The following DYRK1A variants were observed in gnomAD, a reference collection of about 807,000 sequenced individuals.
DYRK1A encodes the protein dual specificity tyrosine phosphorylation regulated kinase 1A, also known as dual specificity tyrosine-phosphorylation-regulated kinase 1A.
In DYRK1A, 9 loss-of-function variants were observed where a neutral mutation model predicts 79.7. The ratio of observed to expected loss-of-function variants is 0.11; its 90% CI spans 0.07 to 0.20. The LOEUF (loss-of-function observed/expected upper bound fraction) is 0.20. Ranked by LOEUF, DYRK1A falls within the 10% of genes least tolerant of loss-of-function variation. The pLI is 1.00. For missense variants in DYRK1A, 622 were observed against 956.0 expected (o/e 0.65, Z 4.61); for synonymous variants, 349 against 329.7 (o/e 1.06, Z -0.63).
At chr21:37,485,883 C>A (rs1335383125) in intron 5 of DYRK1A, among the ~76,000 whole-genome samples, 1 of 152,058 alleles carries the variant, frequency 6.6e-6, no homozygotes, top group South Asian at 2.1e-4. Flanking sequence ...CCAATTATGG[C>A]GTTTGTGGCA....
At chr21:37,385,083 T>C (rs2049733859) in intron 1 of DYRK1A, among the ~76,000 whole-genome samples, 1 of 152,008 alleles carries the variant, frequency 6.6e-6, no homozygotes, top group Non-Finnish European at 1.5e-5. Flanking sequence ...GTTGGCTTCA[T>C]ATATACATCT....
intron 2 of DYRK1A, among the ~76,000 whole-genome samples, chr21:37,435,582 A>C (rs1007249247): frequency 4.6e-5 from 7 of 152,250 alleles, no homozygotes; most frequent in Non-Finnish European, 1.0e-4. Flanking sequence ...AAAGGAAAAT[A>C]CTTTAGCTTT....
At chr21:37,440,130 C>CTTTGTTTTTTTTTTTTTTTT in intron 2 of DYRK1A, among the ~76,000 whole-genome samples, 1 of 37,744 alleles carries the variant, frequency 2.6e-5, no homozygotes, top group Non-Finnish European at 5.2e-5. Flanking sequence ...TTGTTTGCTC[C>CTTTGTTTTTTTTTTTTTTTT]TTTTTTTTTT....
At chr21:37,450,948 C>G (rs1455851004) in intron 2 of DYRK1A, among the ~76,000 whole-genome samples, 1 of 152,132 alleles carries the variant, frequency 6.6e-6, no homozygotes, top group Non-Finnish European at 1.5e-5. Context: ...CAGTATTCCC[C>G]TAAGACTGTA....
chr21:37,469,155 A>G (rs1040010116), intron 2 of DYRK1A, among the ~76,000 whole-genome samples: 2 of 152,212 alleles, frequency 1.3e-5, no homozygotes, highest in African/African-American at 2.4e-5. Context: ...AATTAGACTG[A>G]TGATTGCATG....
intron 1 of DYRK1A, among the ~76,000 whole-genome samples, chr21:37,397,438 C>T (rs2049977327): frequency 6.6e-6 from 1 of 152,090 alleles, no homozygotes; most frequent in Non-Finnish European, 1.5e-5. Context: ...CTGATTATAC[C>T]TTTGTCTCCT....
At position 37,482,475 on chromosome 21, in the gene DYRK1A, G is replaced by A. The variant is rs146888206; in HGVS notation, c.489+1649G>A. On this transcript the variant is annotated intron_variant, in intron 5 of 11. Coordinates refer to ENST00000647188, the MANE Select transcript of DYRK1A (RefSeq NM_001347721.2). ...AAAGGGGAGGGAGTATACGAATAAG[G>A]TGTGGGTCACAGAGATCACATACTT... 3.1e-4 allele frequency among the ~76,000 whole-genome samples: 47 copies of A among 152,274 alleles called. No individual in the cohort carries two copies. In the East Asian group the frequency reaches 8.9e-3, roughly 29 times the overall value.
intron 9 of DYRK1A, among the ~76,000 whole-genome samples, chr21:37,500,681 T>A (rs991812598): frequency 1.3e-5 from 2 of 152,108 alleles, no homozygotes; most frequent in African/African-American, 4.8e-5. Flanking sequence ...TTAAGTTAGT[T>A]TTGGTAAGTT....
Position 37,512,334 on chromosome 21 carries a change from G to A in DYRK1A, c.2068G>A (p.Asp690Asn), listed in dbSNP as rs2053777704. ...TLDFGQNGAMDVNLTVYSNPR... is the reference protein window; with the variant it reads ...TLDFGQNGAMNVNLTVYSNPR... ...GGACTTTGGACAGAATGGAGCTATG[G>A]ACGTTAATTTGACCGTCTACTCCAA... Residue 690 changes from aspartate (D) to asparagine (N), a missense_variant, in exon 12 of 12, where the codon GAC becomes AAC. Around this residue, in one of 5 missense-constraint regions of DYRK1A, gnomAD observed 292 missense variants for 316.7 expected, o/e 0.92. Transcript: ENST00000647188. 1 of 1,614,090 alleles carries A rather than the reference G, an allele frequency of 6.2e-7. No homozygotes were observed. Among genetic ancestry groups the A allele is most frequent in the Non-Finnish European group, 8.5e-7 (1 of 1,180,044 alleles).
At chr21:37,440,957 A>AT (rs2051084373) in intron 2 of DYRK1A, among the ~76,000 whole-genome samples, 1 of 151,968 alleles carries the variant, frequency 6.6e-6, no homozygotes, top group South Asian at 2.1e-4. Flanking sequence ...ATCTTTATTG[A>AT]TTTTCTCTCC....
rs1220374885 is a variant in DYRK1A at position 37,525,410 on chromosome 21, T to A, written c.*12879T>A. ...TAAAACCATCAGATCTCATGAGACT[T>A]ACTCACTATTATGAGAACAGCATGG... On this transcript the variant is annotated 3_prime_UTR_variant, in exon 12 of 12. Coordinates refer to ENST00000647188, the MANE Select transcript of DYRK1A (RefSeq NM_001347721.2). 6.6e-6 allele frequency: 1 copy of A among 152,170 alleles called. No homozygotes were observed. The highest frequency in any genetic ancestry group is 2.4e-5 in the African/African-American group (1 of 41,414). The allele number at this position is 152,170 out of a possible 1,614,324, so 9.4% of individuals were successfully genotyped here.
Position 37,524,080 on chromosome 21 carries a change from AT to A in DYRK1A, c.*11550del, listed in dbSNP as rs2053952881. The A allele has an allele frequency of 6.6e-6, 1 of 152,238 alleles. No individual in the cohort carries two copies. Among genetic ancestry groups the A allele is most frequent in the Non-Finnish European group, 1.5e-5 (1 of 68,050 alleles). 9.4% of individuals were successfully genotyped at this position (152,238 alleles called of 1,614,324 possible). On this transcript the variant is annotated 3_prime_UTR_variant, in exon 12 of 12. Coordinates refer to ENST00000647188, the MANE Select transcript of DYRK1A (RefSeq NM_001347721.2). ...TTGTGCTTTTAAGGTACAATGGAGT[AT>A]GAATTGTTACTGAATTAGGCAGCAA...
At chr21:37,389,049 A>ATTT (rs555751812) in intron 1 of DYRK1A, among the ~76,000 whole-genome samples, 14 of 148,552 alleles carry the variant, frequency 9.4e-5, no homozygotes, top group Middle Eastern at 3.5e-3. Flanking sequence ...AAAAAAAAAA[A>ATTT]TTTTTTTTTT....
chr21:37,406,272 A>G (rs936610217), intron 1 of DYRK1A, among the ~76,000 whole-genome samples: 10 of 152,228 alleles, frequency 6.6e-5, no homozygotes, highest in African/African-American at 2.4e-4. Context: ...AACCAGAAGC[A>G]TACATTCCAT....
chr21:37,439,449 T>C (rs192256915), intron 2 of DYRK1A, among the ~76,000 whole-genome samples: 1 of 152,288 alleles, frequency 6.6e-6, no homozygotes, highest in African/African-American at 2.4e-5. Context: ...CAGTGTCCTT[T>C]ATCACAAGGG....
At chr21:37,492,705 C>G (rs1248911948) in intron 7 of DYRK1A, among the ~76,000 whole-genome samples, 1 of 151,730 alleles carries the variant, frequency 6.6e-6, no homozygotes, top group Non-Finnish European at 1.5e-5. Context: ...AAATACATTG[C>G]TTTCAATAGT....
At chr21:37,502,925 A>G (rs1489577310) in intron 9 of DYRK1A, 1 of 152,212 alleles carries the variant, frequency 6.6e-6, no homozygotes, top group African/African-American at 2.4e-5. Flanking sequence ...AGATGTTACG[A>G]TATAGCTTAA....
intron 1 of DYRK1A, among the ~76,000 whole-genome samples, chr21:37,397,906 G>A (rs923093036): frequency 4.6e-5 from 7 of 151,846 alleles, no homozygotes; most frequent in Non-Finnish European, 1.0e-4. Flanking sequence ...CAGAGAGCAT[G>A]AGATGAGTTG....
intron 1 of DYRK1A, among the ~76,000 whole-genome samples, chr21:37,406,744 T>TATCTCTATATAC (rs1555956325): frequency 2.0e-5 from 3 of 148,362 alleles, no homozygotes; most frequent in Non-Finnish European, 4.5e-5. Context: ...TATCTCTATA[T>TATCTCTATATAC]ATCTCTATAT....
Sources: allele counts gnomAD v4.1 joint callset (sites outside exome capture counted in the v4.1 genomes callset), GRCh38; gene constraint gnomAD v4.1.1; regional missense constraint gnomAD v4.1.1; transcripts MANE v1.5; gene names NCBI Gene and HGNC (gene_info 2026-07-23, HGNC 2026-07-21).